The following GALNTL6 variants were observed in gnomAD, a reference collection of about 807,000 sequenced individuals.
The protein encoded by GALNTL6 is polypeptide N-acetylgalactosaminyltransferase-like 6.
GALNTL6 carries 46 observed loss-of-function variants against 73.7 expected under a neutral mutation model. The observed-to-expected ratio is 0.62, with a 90% CI of 0.49 to 0.80. The LOEUF is 0.80. GALNTL6 is among the 30% of genes least tolerant of loss of function. The probability of loss-of-function intolerance (pLI) is 0.00; values close to 1 mark genes in which losing one functional copy is unlikely to be tolerated. For missense variants in GALNTL6, 604 were observed against 755.0 expected, an observed-to-expected ratio of 0.80 and a Z score of 2.34; for synonymous variants, 259 against 263.7, an observed-to-expected ratio of 0.98 and a Z score of 0.17.
intron 5 of GALNTL6, among the ~76,000 whole-genome samples, chr4:172,653,312 C>T (rs1740577106): frequency 6.6e-6 from 1 of 151,762 alleles, no homozygotes; most frequent in African/African-American, 2.4e-5. Flanking sequence ...CTCCACCTCC[C>T]AGATTCAAGT....
chr4:172,697,011 T>C (rs1302303635), intron 5 of GALNTL6, among the ~76,000 whole-genome samples: 1 of 152,224 alleles, frequency 6.6e-6, no homozygotes, highest in Non-Finnish European at 1.5e-5. Flanking sequence ...AAAGTAGATT[T>C]ATATTCAATT....
At position 172,630,461 on chromosome 4, in the gene GALNTL6, G is replaced by A. The variant is rs145098859; in HGVS notation, c.554-178900G>A. Among the ~76,000 whole-genome samples the A allele has an allele frequency of 2.4e-3, 358 of 151,998 alleles. 1 individual carries two copies. The highest frequency in any genetic ancestry group is 8.1e-3 in the African/African-American group (335 of 41,442). On this transcript the variant is annotated intron_variant, in intron 5 of 12. Transcript: ENST00000506823. ...CCATCAGTCGCTCCAGGGCAGTATCGGCAAGCTGATAATGCACCTGCATCT... is the reference window on the plus strand; with the variant it reads ...CCATCAGTCGCTCCAGGGCAGTATCAGCAAGCTGATAATGCACCTGCATCT...
chr4:172,751,751 G>A (rs1281711706), intron 5 of GALNTL6, among the ~76,000 whole-genome samples: 1 of 152,268 alleles, frequency 6.6e-6, no homozygotes, highest in East Asian at 1.9e-4. Flanking sequence ...TAGAATATCT[G>A]GTGTTTCTTG....
At chr4:171,843,282 A>G (rs577520421) in intron 2 of GALNTL6, among the ~76,000 whole-genome samples, 3 of 152,186 alleles carry the variant, frequency 2.0e-5, no homozygotes, top group Admixed American at 2.0e-4. Context: ...CACAAACATA[A>G]AAAAATGACT....
intron 5 of GALNTL6, among the ~76,000 whole-genome samples, chr4:172,493,643 G>A (rs891861257): frequency 3.3e-5 from 5 of 152,128 alleles, no homozygotes; most frequent in African/African-American, 9.6e-5. Context: ...TCTGAAATAG[G>A]TCTCTAACCT....
At chr4:172,732,712 G>A (rs1326893244) in intron 5 of GALNTL6, among the ~76,000 whole-genome samples, 1 of 151,866 alleles carries the variant, frequency 6.6e-6, no homozygotes, top group Non-Finnish European at 1.5e-5. Context: ...TTTGTGCTGT[G>A]GTTATCATGA....
At chr4:172,856,099 G>A (rs1232429109) in intron 7 of GALNTL6, among the ~76,000 whole-genome samples, 1 of 152,172 alleles carries the variant, frequency 6.6e-6, no homozygotes, top group Admixed American at 6.5e-5. Context: ...AGCTTCATCA[G>A]TTGCATTGTT....
intron 5 of GALNTL6, among the ~76,000 whole-genome samples, chr4:172,410,404 G>T (rs548558859): frequency 2.6e-5 from 4 of 151,986 alleles, no homozygotes; most frequent in Admixed American, 1.3e-4. Context: ...AATACAACAG[G>T]CTCATAATCT....
chr4:172,673,134 C>T (rs1732084485), intron 5 of GALNTL6, among the ~76,000 whole-genome samples: 1 of 152,150 alleles, frequency 6.6e-6, no homozygotes, highest in South Asian at 2.1e-4. Flanking sequence ...ATCTGTCTAA[C>T]TTTTTGATGT....
intron 5 of GALNTL6, among the ~76,000 whole-genome samples, chr4:172,383,874 G>A (rs1743374164): frequency 6.6e-6 from 1 of 152,092 alleles, no homozygotes; most frequent in African/African-American, 2.4e-5. Flanking sequence ...AAATGCTTAT[G>A]TGATTTTTGT....
chr4:171,955,749 G>T (rs1962697), intron 2 of GALNTL6, among the ~76,000 whole-genome samples: 28 of 140,838 alleles, frequency 2.0e-4, no homozygotes, highest in Middle Eastern at 3.3e-3. Flanking sequence ...ATCTACAAAA[G>T]GCTGTGTGTG....
chr4:172,964,212 A>G (rs895946939), intron 10 of GALNTL6, among the ~76,000 whole-genome samples: 1 of 152,242 alleles, frequency 6.6e-6, no homozygotes, highest in Non-Finnish European at 1.5e-5. Flanking sequence ...GCTAAATGAA[A>G]GAAACTGAAT....
chr4:171,904,582 C>A (rs1737213825), intron 2 of GALNTL6, among the ~76,000 whole-genome samples: 1 of 152,084 alleles, frequency 6.6e-6, no homozygotes, highest in African/African-American at 2.4e-5. Flanking sequence ...AGGATATTAT[C>A]CAGGAGAACT....
intron 2 of GALNTL6, among the ~76,000 whole-genome samples, chr4:172,087,048 G>C (rs1732055404): frequency 6.6e-6 from 1 of 152,174 alleles, no homozygotes; most frequent in East Asian, 1.9e-4. Context: ...AATGACGAAA[G>C]TATTCAAGGT....
chr4:172,937,882 T>C (rs1748702551), intron 9 of GALNTL6, among the ~76,000 whole-genome samples: 1 of 152,260 alleles, frequency 6.6e-6, no homozygotes, highest in Non-Finnish European at 1.5e-5. Context: ...GAGATTATGA[T>C]GTAACAAAAG....
At chr4:171,881,655 G>C (rs1736454896) in intron 2 of GALNTL6, among the ~76,000 whole-genome samples, 1 of 152,172 alleles carries the variant, frequency 6.6e-6, no homozygotes, top group Non-Finnish European at 1.5e-5. Context: ...CATGTATTAA[G>C]TGGATGCTTA....
intron 4 of GALNTL6, among the ~76,000 whole-genome samples, chr4:172,316,993 C>T (rs1005674476): frequency 1.9e-4 from 29 of 152,194 alleles, no homozygotes; most frequent in African/African-American, 6.3e-4. Context: ...TCTCTTTCTC[C>T]GGGAAAGAAA....
intron 3 of GALNTL6, among the ~76,000 whole-genome samples, chr4:172,276,540 A>C (rs987936750): frequency 5.9e-5 from 9 of 152,224 alleles, no homozygotes; most frequent in African/African-American, 2.2e-4. Flanking sequence ...AACCTGCATG[A>C]ACTGAAGTTT....
rs542009415 is a variant in GALNTL6 at position 172,333,434 on chromosome 4, C to CA, written c.387-15083dup. On this transcript the variant is annotated intron_variant, in intron 4 of 12. Transcript: ENST00000506823. ...AGAAAAAAATAAAAACAAAACAAAA[C>CA]AAAAAACGAAATGTACATTGATGTC... 9.6e-4 allele frequency among the ~76,000 whole-genome samples: 146 copies of CA among 152,038 alleles called. 1 individual carries two copies. Among genetic ancestry groups the CA allele is most frequent in the African/African-American group, 3.2e-3 (133 of 41,506 alleles).
Sources: gnomAD v4.1 joint callset for allele counts (sites outside exome capture counted in the v4.1 genomes callset) on GRCh38, gnomAD v4.1.1 for gene constraint, MANE v1.5 for transcripts, NCBI Gene and HGNC (gene_info 2026-07-23, HGNC 2026-07-21) for gene names.